PPP1R15B: variants seen among roughly 807,000 people sequenced by gnomAD.
PPP1R15B encodes the protein protein phosphatase 1 regulatory subunit 15B.
In PPP1R15B, 31 loss-of-function variants were observed where a neutral mutation model predicts 53.9. The ratio of observed to expected loss-of-function variants is 0.58; its 90% confidence interval spans 0.43 to 0.78. The LOEUF is 0.78. Ranked by LOEUF, PPP1R15B falls within the 30% of genes least tolerant of loss-of-function variation. The pLI is 0.00. For missense variants in PPP1R15B, 928 were observed against 849.6 expected (o/e 1.09, Z -1.15); for synonymous variants, 345 against 329.1 (o/e 1.05, Z -0.52).
At position 204,403,526 on chromosome 1, in the gene PPP1R15B, C is replaced by T; in HGVS notation, c.*2566G>A. The T allele has an allele frequency of 1.0e-6, 1 of 970,640 alleles. No individual in the cohort carries two copies. Among genetic ancestry groups the T allele is most frequent in the Non-Finnish European group, 1.2e-6 (1 of 816,154 alleles). The allele number at this position is 970,640 out of a possible 1,614,324, so 60.1% of individuals were successfully genotyped here. ...AGCCAATTTAGAGTCTTCTAGTCCCCTAACTTTACCTTCCTTAAATTATAC... is the reference window on the plus strand; with the variant it reads ...AGCCAATTTAGAGTCTTCTAGTCCCTTAACTTTACCTTCCTTAAATTATAC... On this transcript the variant is annotated 3_prime_UTR_variant, in exon 2 of 2. Transcript: ENST00000367188.
At position 204,410,198 on chromosome 1, in the gene PPP1R15B, T is replaced by C. The variant is rs757599372; in HGVS notation, c.1214A>G (p.Asp405Gly). 7.4e-6 allele frequency: 12 copies of C among 1,614,000 alleles called. No homozygotes were observed. In the South Asian group the frequency reaches 1.2e-4, roughly 16 times the overall value. ...AAGGTCACCTTCTAGGTATGAGTAA[T>C]CAACTACACTTATTCGGCCCTCTCC... is the stretch of plus-strand genomic sequence containing the variant. ...EPGEGRISVV[D>G]YSYLEGDLPI... Residue 405 changes from aspartate to glycine, a missense_variant, in exon 1 of 2, where the codon GAT (aspartate) becomes GGT (glycine). Coordinates refer to ENST00000367188, the MANE Select transcript of PPP1R15B (RefSeq NM_032833.5).
In PPP1R15B at chr1:204,405,310, T is replaced by C. The variant is rs1674245913; in HGVS notation, c.*782A>G. 2 of 978,686 alleles carry C rather than the reference T, an allele frequency of 2.0e-6. No homozygotes were observed. The highest frequency in any genetic ancestry group is 1.8e-5 in the African/African-American group (1 of 57,080). 60.6% of individuals were successfully genotyped at this position (978,686 alleles called of 1,614,324 possible). A position where few individuals can be genotyped will look rare whatever the true frequency, so the allele number is the denominator to read the frequency against. ...CAACCTGTTAAGAGATACAAAGAAC[T>C]ATATTAAACTGGGAACTACAATAAC... On this transcript the variant is annotated 3_prime_UTR_variant, in exon 2 of 2. Transcript: ENST00000367188.
At position 204,411,733 on chromosome 1, in the gene PPP1R15B, G is replaced by C. The variant is rs79767868; in HGVS notation, c.-322C>G. 6.9e-3 allele frequency: 2,935 copies of C among 426,490 alleles called. 73 individuals carry two copies. The highest frequency in any genetic ancestry group is 0.054 in the African/African-American group (2,651 of 49,506). The allele number at this position is 426,490 out of a possible 1,614,324, so 26.4% of individuals were successfully genotyped here. A position where few individuals can be genotyped will look rare whatever the true frequency, so the allele number is the denominator to read the frequency against. On this transcript the variant is annotated 5_prime_UTR_variant, in exon 1 of 2. Coordinates refer to ENST00000367188, the MANE Select transcript of PPP1R15B (RefSeq NM_032833.5). ...CGGCCTCGGCGATGGTTTTCCGACT[G>C]ACAGAGGGTTGAAAAGCCCCTGAGC...
At chr1:204,401,755 T>C (rs1288520318), downstream of PPP1R15B, among the ~76,000 whole-genome samples, 1 of 152,084 alleles carries the variant, frequency 6.6e-6, no homozygotes, top group Non-Finnish European at 1.5e-5. Flanking sequence ...ACCCCATCTC[T>C]ACAAAAAACA....
At chr1:204,401,885 G>A (rs1459888186), downstream of PPP1R15B, among the ~76,000 whole-genome samples, 5 of 152,096 alleles carry the variant, frequency 3.3e-5, no homozygotes, top group African/African-American at 1.2e-4. Flanking sequence ...AGCCAAGATC[G>A]CACCAATGCA....
At chr1:204,403,074 T>A (rs779011117), downstream of PPP1R15B, among the ~76,000 whole-genome samples, 8 of 151,868 alleles carry the variant, frequency 5.3e-5, no homozygotes, top group South Asian at 4.2e-4. Context: ...TCTCAAAAAA[T>A]AATAATAATA....
chr1:204,406,358 A>T lies in PPP1R15B; in HGVS notation c.1921-45T>A, dbSNP rs367582271. The T allele has an allele frequency of 8.3e-4, 1,322 of 1,601,694 alleles. 1 individual carries two copies. The highest frequency in any genetic ancestry group is 1.0e-3 in the Non-Finnish European group (1,175 of 1,173,516). On this transcript the variant is annotated intron_variant, in intron 1 of 1. Coordinates refer to ENST00000367188, the MANE Select transcript of PPP1R15B (RefSeq NM_032833.5). ...TTTTAATAACTGTCTAGGATCTTACAATCAGCATTGAGGTCAATAACCCTT... is the reference window on the plus strand; with the variant it reads ...TTTTAATAACTGTCTAGGATCTTACTATCAGCATTGAGGTCAATAACCCTT...
Position 204,411,570 on chromosome 1 carries a change from G to C in PPP1R15B, c.-159C>G. Reference sequence around the variant, plus strand: ...CAGCAGAAAAGCCACAGAGGGCAGCGAATGCGGCAGCGGGCGGCAGAACAC... The same window carrying C: ...CAGCAGAAAAGCCACAGAGGGCAGCCAATGCGGCAGCGGGCGGCAGAACAC... On this transcript the variant is annotated 5_prime_UTR_variant, in exon 1 of 2. Coordinates refer to ENST00000367188, the MANE Select transcript of PPP1R15B (RefSeq NM_032833.5). The C allele has an allele frequency of 3.1e-6, 3 of 976,232 alleles. No homozygotes were observed. The highest frequency in any genetic ancestry group is 3.0e-6 in the Non-Finnish European group (2 of 665,272). The allele number at this position is 976,232 out of a possible 1,614,324, so 60.5% of individuals were successfully genotyped here. A position where few individuals can be genotyped will look rare whatever the true frequency, so the allele number is the denominator to read the frequency against.
downstream of PPP1R15B, among the ~76,000 whole-genome samples, chr1:204,398,025 T>C (rs1190313253): frequency 6.6e-6 from 1 of 152,144 alleles, no homozygotes; most frequent in African/African-American, 2.4e-5. Flanking sequence ...GGAGCCTGTG[T>C]GTTGGAAAAA....
chr1:204,400,087 A>C (rs1674150773), downstream of PPP1R15B, among the ~76,000 whole-genome samples: 1 of 152,008 alleles, frequency 6.6e-6, no homozygotes, highest in African/African-American at 2.4e-5. Flanking sequence ...CTCTACAAAA[A>C]ATAGGTGAGC....
chr1:204,398,663 G>A (rs982392620), downstream of PPP1R15B, among the ~76,000 whole-genome samples: 5 of 152,134 alleles, frequency 3.3e-5, no homozygotes, highest in African/African-American at 1.2e-4. Flanking sequence ...ACCTCCAGGG[G>A]AGCAATAGCA....
Position 204,410,261 on chromosome 1 carries a change from C to T in PPP1R15B, c.1151G>A (p.Gly384Asp). The T allele has an allele frequency of 1.2e-6, 2 of 1,614,150 alleles. No individual in the cohort carries two copies. Among genetic ancestry groups the T allele is most frequent in the Non-Finnish European group, 1.7e-6 (2 of 1,180,026 alleles). ...LALEEESPSEGCPSSEIPMEK... is the reference protein window; with the variant it reads ...LALEEESPSEDCPSSEIPMEK... ...CATAGGTATCTCACTAGATGGACAG[C>T]CCTCAGAAGGGCTCTCTTCTTCCAA... Residue 384 changes from glycine to aspartate, a missense_variant, in exon 1 of 2, where the codon GGC (glycine) becomes GAC (aspartate). Transcript: ENST00000367188.
downstream of PPP1R15B, among the ~76,000 whole-genome samples, chr1:204,402,982 G>C (rs1674202563): frequency 6.6e-6 from 1 of 152,236 alleles, no homozygotes; most frequent in East Asian, 1.9e-4. Context: ...TGAGGCAGGA[G>C]AATCGCTTGA....
chr1:204,410,609 T>G lies in PPP1R15B; in HGVS notation c.803A>C (p.Gln268Pro). 6.2e-7 allele frequency: 1 copy of G among 1,614,024 alleles called. No individual in the cohort carries two copies. The highest frequency in any genetic ancestry group is 1.1e-5 in the South Asian group (1 of 91,072). ...SCLREDHCHP[Q>P]PLSAELIPAS... ...CGGAATGAGTTCTGCACTCAGCGGCTGGGGATGACAATGGTCCTCTCTCAG... is the reference window on the plus strand; with the variant it reads ...CGGAATGAGTTCTGCACTCAGCGGCGGGGGATGACAATGGTCCTCTCTCAG... The change falls in exon 1 of 2, where the codon CAG becomes CCG. Residue 268 changes from glutamine (Q) to proline (P), a missense_variant. Transcript: ENST00000367188.
chr1:204,411,463 A>C lies in PPP1R15B; in HGVS notation c.-52T>G. 2 of 1,569,586 alleles carry C rather than the reference A, an allele frequency of 1.3e-6. No individual in the cohort carries two copies. Among genetic ancestry groups the C allele is most frequent in the Non-Finnish European group, 1.7e-6 (2 of 1,163,978 alleles). On this transcript the variant is annotated 5_prime_UTR_variant, in exon 1 of 2. Coordinates refer to ENST00000367188, the MANE Select transcript of PPP1R15B (RefSeq NM_032833.5). ...TAGGGCCGCGGCGCTCAGCGGCTGG[A>C]GGTCGACGGGATTCGGAGGAAGCCT...
In PPP1R15B at chr1:204,410,528, T is replaced by C. The variant is rs766752711; in HGVS notation, c.884A>G (p.His295Arg). Residue 295 changes from histidine to arginine, a missense_variant, in exon 1 of 2, where the codon CAT becomes CGT. His to Arg is a conservative substitution (Grantham distance 29, BLOSUM62 0). Transcript: ENST00000367188. ...LSTEGLPEIH[H>R]LRMKRLEFLQ... ...GAATTCCAGCCGTTTCATGCGAAGATGGTGAATTTCTGGTAGGCCTTCCGT... is the reference window on the plus strand; with the variant it reads ...GAATTCCAGCCGTTTCATGCGAAGACGGTGAATTTCTGGTAGGCCTTCCGT... 5.6e-6 allele frequency: 9 copies of C among 1,613,982 alleles called. No homozygotes were observed. The highest frequency in any genetic ancestry group is 4.0e-5 in the African/African-American group (3 of 74,886).
At position 204,404,160 on chromosome 1, in the gene PPP1R15B, T is replaced by A; in HGVS notation, c.*1932A>T. On this transcript the variant is annotated 3_prime_UTR_variant, in exon 2 of 2. Transcript: ENST00000367188. ...GTTGCTTGAAACTAGCCTGTTTTCA[T>A]GTTATTAGACCATCCTGTAAATGTG... 3 of 985,408 alleles carry A rather than the reference T, an allele frequency of 3.0e-6. No individual in the cohort carries two copies. The highest frequency in any genetic ancestry group is 2.4e-6 in the Non-Finnish European group (2 of 829,938). 61.0% of individuals were successfully genotyped at this position (985,408 alleles called of 1,614,324 possible).
At chr1:204,398,010 G>A (rs565348397), downstream of PPP1R15B, among the ~76,000 whole-genome samples, 57 of 152,090 alleles carry the variant, frequency 3.7e-4, no homozygotes, top group Non-Finnish European at 3.1e-4. Flanking sequence ...TTGTTATGTC[G>A]GGAGGGAGCC....
intron 1 of PPP1R15B, among the ~76,000 whole-genome samples, chr1:204,406,629 G>A (rs554017517): frequency 1.3e-5 from 2 of 152,226 alleles, no homozygotes; most frequent in South Asian, 2.1e-4. Flanking sequence ...GCACATGCCT[G>A]TAATCCCAGC....
Sources: allele counts gnomAD v4.1 joint callset (sites outside exome capture counted in the v4.1 genomes callset), GRCh38; gene constraint gnomAD v4.1.1; transcripts MANE v1.5; gene names NCBI Gene and HGNC (gene_info 2026-07-23, HGNC 2026-07-21).